Variants in POPDC2 observed in about 807,000 individuals in gnomAD.
POPDC2 encodes popeye domain cAMP effector 2.
Under a neutral mutation model 30.5 loss-of-function variants are expected in POPDC2, and 24 were observed. That is an observed-to-expected ratio of 0.79 (90% CI 0.57 to 1.11). The LOEUF (loss-of-function observed/expected upper bound fraction) is 1.11, where lower values mean the gene tolerates loss of function less well. Among genes scored for constraint, POPDC2 ranks in the 50% least tolerant of loss-of-function variants. The pLI, the probability that POPDC2 is intolerant of heterozygous loss-of-function variation, is 0.00. For synonymous variants in POPDC2, 185 were observed against 183.3 expected, an observed-to-expected ratio of 1.01 and a Z score of -0.07; for missense variants, 409 against 447.0, an observed-to-expected ratio of 0.91 and a Z score of 0.77.
upstream of POPDC2, chr3:119,660,660 C>G (rs1011850243): frequency 5.1e-5 from 15 of 296,486 alleles, no homozygotes; most frequent in East Asian, 1.1e-4. Context: ...CCCTCTCCCC[C>G]CCTCTCTCCT....
chr3:119,654,778 C>T, intron 1 of POPDC2, 165 bp from the exon 2 acceptor site: 1 of 592,776 alleles, frequency 1.7e-6, no homozygotes, highest in Non-Finnish European at 3.0e-6. Flanking sequence ...TTACTGCATG[C>T]AAGTAGTTCA....
rs749076251 is a variant in POPDC2, at chr3:119,654,518, T to A, written c.587A>T (p.Glu196Val). The change falls in exon 2 of 4, where the codon GAG becomes GTG. Residue 196 changes from glutamate (E) to valine (V), a missense_variant. By Grantham distance (121) the Glu-to-Val change is moderately radical. Coordinates refer to ENST00000493094, the MANE Select transcript of POPDC2 (RefSeq NM_001369919.2). ...PEWESLQPSE[E>V]GVFQVTLTAE... is the part of the protein sequence containing the mutation. ...GCTCCCTGTTACCTGGAACACCCCCTCCTCAGAAGGCTGTAGTGATTCCCA... is the reference window on the plus strand; with the variant it reads ...GCTCCCTGTTACCTGGAACACCCCCACCTCAGAAGGCTGTAGTGATTCCCA... 1.9e-6 allele frequency: 3 copies of A among 1,612,400 alleles called. No homozygotes were observed. In the East Asian group the frequency reaches 6.7e-5, roughly 36 times the overall value.
chr3:119,654,497 CCT>C lies in POPDC2; in HGVS notation c.600+6_600+7del. On this transcript the variant is annotated splice_donor_region_variant and intron_variant, in intron 2 of 3. Transcript: ENST00000493094. Reference sequence around the variant, plus strand: ...GTGAGGCGGTGCTGCCACCAGGCTCCCTGTTACCTGGAACACCCCCTCCTCAG... The same window carrying C: ...GTGAGGCGGTGCTGCCACCAGGCTCCGTTACCTGGAACACCCCCTCCTCAG... 1 of 1,593,414 alleles carries C rather than the reference CCT, an allele frequency of 6.3e-7. No homozygotes were observed. Among genetic ancestry groups the C allele is most frequent in the African/African-American group, 1.3e-5 (1 of 74,576 alleles).
At chr3:119,645,830 C>A (rs1186592536) in intron 3 of POPDC2, among the ~76,000 whole-genome samples, 2 of 152,212 alleles carry the variant, frequency 1.3e-5, no homozygotes, top group East Asian at 1.9e-4. Flanking sequence ...CTCCTCTTTT[C>A]TTCCTTTGAA....
At position 119,660,269 on chromosome 3, in the gene POPDC2, T is replaced by C. The variant is rs768068981; in HGVS notation, c.155A>G (p.Tyr52Cys). ...ACCTGCACTCAGGAAGCCAAAAAGATAGAAGCATCCATACACCCCACTGCC... is the reference window on the plus strand; with the variant it reads ...ACCTGCACTCAGGAAGCCAAAAAGACAGAAGCATCCATACACCCCACTGCC... ...MGGSGVYGCFYLFGFLSAGYL... is the reference protein window; with the variant it reads ...MGGSGVYGCFCLFGFLSAGYL... Residue 52 changes from tyrosine to cysteine, a missense_variant, in exon 1 of 4, where the codon TAT becomes TGT. Tyr to Cys is a radical substitution (Grantham distance 194, BLOSUM62 -2). Transcript: ENST00000493094. The C allele has an allele frequency of 1.2e-6, 2 of 1,614,136 alleles. No individual in the cohort carries two copies.
In POPDC2 at chr3:119,642,408, T is replaced by A. The variant is rs76321131; in HGVS notation, c.*197A>T. On this transcript the variant is annotated 3_prime_UTR_variant, in exon 4 of 4. Coordinates refer to ENST00000493094, the MANE Select transcript of POPDC2 (RefSeq NM_001369919.2). Reference sequence around the variant, plus strand: ...CAGTGGGTGGGAAAAGAGGCATGCCTATCAGTGGCCATTCTGTGAACACAG... The same window carrying A: ...CAGTGGGTGGGAAAAGAGGCATGCCAATCAGTGGCCATTCTGTGAACACAG... 8.7e-4 allele frequency: 997 copies of A among 1,142,334 alleles called. 17 individuals are homozygous for A. The East Asian group carries it at 0.022, about 25-fold the overall frequency. 70.8% of individuals were successfully genotyped at this position (1,142,334 alleles called of 1,614,324 possible). A position where few individuals can be genotyped will look rare whatever the true frequency, so the allele number is the denominator to read the frequency against.
chr3:119,645,240 C>G (rs1405654394), intron 3 of POPDC2, among the ~76,000 whole-genome samples: 1 of 152,160 alleles, frequency 6.6e-6, no homozygotes, highest in Non-Finnish European at 1.5e-5. Context: ...GGCTTGGGGA[C>G]TGAGTTGTGA....
chr3:119,658,970 T>G (rs2052909629), intron 1 of POPDC2, among the ~76,000 whole-genome samples: 1 of 151,914 alleles, frequency 6.6e-6, no homozygotes, highest in Non-Finnish European at 1.5e-5. Context: ...ATCTTACCTT[T>G]TCTATCACAT....
chr3:119,648,607 A>T lies in POPDC2; in HGVS notation c.662T>A (p.Leu221His). ...YISWPRKSLH[L>H]LLTKERYISC... ...GATGTATCGCTCTTTGGTCAGAAGA[A>T]GATGGAGACTTTTCCGGGGCCAGGA... Residue 221 changes from leucine (L) to histidine (H), a missense_variant, in exon 3 of 4, where the codon CTT becomes CAT. By Grantham distance (99) the Leu-to-His change is moderately conservative. Transcript: ENST00000493094. The T allele has an allele frequency of 6.2e-7, 1 of 1,614,224 alleles. No individual in the cohort carries two copies. Among genetic ancestry groups the T allele is most frequent in the Non-Finnish European group, 8.5e-7 (1 of 1,180,036 alleles).
At chr3:119,659,694 A>T (rs1159977175) in intron 1 of POPDC2, among the ~76,000 whole-genome samples, 2 of 152,298 alleles carry the variant, frequency 1.3e-5, no homozygotes, top group East Asian at 3.9e-4. Context: ...AAGTGCACAT[A>T]CAATCATTCT....
chr3:119,656,999 A>T (rs1008033313), intron 1 of POPDC2, among the ~76,000 whole-genome samples: 1 of 152,222 alleles, frequency 6.6e-6, no homozygotes, highest in Non-Finnish European at 1.5e-5. Context: ...TCAATGTGAT[A>T]GGTGCTATTG....
At chr3:119,655,792 A>G (rs1356641951) in intron 1 of POPDC2, among the ~76,000 whole-genome samples, 3 of 152,188 alleles carry the variant, frequency 2.0e-5, no homozygotes, top group Non-Finnish European at 4.4e-5. Flanking sequence ...CTAAAATTCT[A>G]TGTTCTTAGC....
chr3:119,651,037 C>G (rs1560097359), intron 2 of POPDC2, among the ~76,000 whole-genome samples: 1 of 152,164 alleles, frequency 6.6e-6, no homozygotes, highest in Non-Finnish European at 1.5e-5. Flanking sequence ...TTTAGAAAAT[C>G]CTTTTGGCTG....
In POPDC2 at chr3:119,660,081, G is replaced by A. The variant is rs538367197; in HGVS notation, c.343C>T (p.Leu115=). The A allele has an allele frequency of 1.9e-6, 3 of 1,614,230 alleles. No individual in the cohort carries two copies. The highest frequency in any genetic ancestry group is 1.3e-5 in the African/African-American group (1 of 75,060). Residue 115 remains leucine, a synonymous_variant, in exon 1 of 4, where the codon CTG becomes TTG. Transcript: ENST00000493094. ...PEEFDLLYKT[L]CLPLQVPLQT... ...AGGGGCACCTGCAAGGGCAGGCACA[G>A]CGTCTTGTAGAGGAGGTCAAACTCC...
intron 1 of POPDC2, among the ~76,000 whole-genome samples, chr3:119,657,738 C>T (rs1005682333): frequency 1.3e-5 from 2 of 152,122 alleles, no homozygotes; most frequent in African/African-American, 2.4e-5. Context: ...CTTCGTGGCT[C>T]GCTGAAGCCA....
chr3:119,643,353 A>T, intron 3 of POPDC2: 1 of 1,525,912 alleles, frequency 6.6e-7, no homozygotes, highest in Non-Finnish European at 8.8e-7. Flanking sequence ...TTAGGCCTCC[A>T]CTTTTTGCTG....
At chr3:119,654,654 T>G in intron 1 of POPDC2, 41 bp from the exon 2 acceptor site, 1 of 1,489,192 alleles carries the variant, frequency 6.7e-7, no homozygotes, top group African/African-American at 1.4e-5. Flanking sequence ...AAAAGGAAAA[T>G]GGCTCTCCAA....
intron 2 of POPDC2, among the ~76,000 whole-genome samples, chr3:119,650,690 C>A (rs2052798252): frequency 6.6e-6 from 1 of 152,174 alleles, no homozygotes; most frequent in Non-Finnish European, 1.5e-5. Context: ...ACCATTCCCT[C>A]TTCCATCCAC....
chr3:119,658,536 T>C (rs918872590), intron 1 of POPDC2, among the ~76,000 whole-genome samples: 1 of 152,256 alleles, frequency 6.6e-6, no homozygotes, highest in African/African-American at 2.4e-5. Flanking sequence ...ACAGACGAGC[T>C]ATAACATCAT....
Sources: gnomAD v4.1 joint callset for allele counts (sites outside exome capture counted in the v4.1 genomes callset) on GRCh38, gnomAD v4.1.1 for gene constraint, MANE v1.5 for transcripts, NCBI Gene and HGNC (gene_info 2026-07-23, HGNC 2026-07-21) for gene names.